The following SNRNP200 variants were observed in gnomAD, a reference collection of about 807,000 sequenced individuals.
The protein encoded by SNRNP200 is small nuclear ribonucleoprotein U5 subunit 200, also known as U5 small nuclear ribonucleoprotein 200 kDa helicase.
A neutral mutation model predicts 255.2 loss-of-function variants in SNRNP200; 66 were observed. The observed-to-expected ratio is 0.26, with a 90% CI of 0.21 to 0.32. The LOEUF (loss-of-function observed/expected upper bound fraction) is 0.32, where lower values mean the gene tolerates loss of function less well. Ranked by LOEUF, SNRNP200 falls within the 10% of genes least tolerant of loss-of-function variation. The pLI is 1.00. For missense variants in SNRNP200, 1,585 were observed against 2,749.8 expected (o/e 0.58, Z 9.47); for synonymous variants, 939 against 1,027.8 (o/e 0.91, Z 1.65).
chr2:96,276,622 A>G (rs2104329443), intron 43 of SNRNP200: 5 of 421,426 alleles, frequency 1.2e-5, no homozygotes, highest in Middle Eastern at 6.9e-4. Context: ...GGGTTTCACT[A>G]TGTTGGCCAG....
In SNRNP200 at chr2:96,277,519, T is replaced by G. The variant is rs1423876305; in HGVS notation, c.5931+20A>C. 6.2e-7 allele frequency: 1 copy of G among 1,612,028 alleles called. No homozygotes were observed. The highest frequency in any genetic ancestry group is 1.3e-5 in the African/African-American group (1 of 74,846). Reference sequence around the variant, plus strand: ...GCTCTCAGGCTCACCCACCTGACCCTCTAGGCTGACCCGGCTCACCTTGTC... The same window carrying G: ...GCTCTCAGGCTCACCCACCTGACCCGCTAGGCTGACCCGGCTCACCTTGTC... On this transcript the variant is annotated intron_variant, in intron 41 of 44. Coordinates refer to ENST00000323853, the MANE Select transcript of SNRNP200 (RefSeq NM_014014.5). This position sits in a 1 kb window ranked among gnomAD's most constrained non-coding sequence, Gnocchi z 4.4.
chr2:96,291,862 C>T lies in SNRNP200; in HGVS notation c.2199G>A (p.Lys733=), dbSNP rs1190862715. ...ACATGTCCCGGATGGCCCTGGCTGT[C>T]TTTCCAGTCTCCTTCCGGGAGTGGA... ...VFVHSRKETG[K]TARAIRDMCL... is the part of the protein sequence containing the mutation. Residue 733 remains lysine, a synonymous_variant, in exon 17 of 45, where the codon AAG becomes AAA. Transcript: ENST00000323853. The surrounding 1 kb of genome is among the most constrained non-coding windows in gnomAD (Gnocchi z 4.2). 6.8e-6 allele frequency: 11 copies of T among 1,614,078 alleles called. No individual in the cohort carries two copies. Among genetic ancestry groups the T allele is most frequent in the Admixed American group, 3.3e-5 (2 of 60,008 alleles).
rs371902310 is a variant in SNRNP200, at chr2:96,293,322, T to C, written c.2030A>G (p.Asp677Gly). The change falls in exon 15 of 45, where the codon GAC becomes GGC. Residue 677 changes from aspartate (D) to glycine (G), a missense_variant. By Grantham distance (94) the Asp-to-Gly change is moderately conservative. Transcript: ENST00000323853. ...GCCCAGTCTTTCCTGATACCTGTTG[T>C]CAAAGTAAAAGAGACCCTTGGCAGG... ...VDPAKGLFYFDNSFRPVPLEQ... is the reference protein window; with the variant it reads ...VDPAKGLFYFGNSFRPVPLEQ... 3 of 1,613,896 alleles carry C rather than the reference T, an allele frequency of 1.9e-6. No individual in the cohort carries two copies. In the African/African-American group the frequency reaches 4.0e-5, roughly 22 times the overall value.
chr2:96,282,955 G>A, intron 34 of SNRNP200: 1 of 584,014 alleles, frequency 1.7e-6, no homozygotes, highest in Non-Finnish European at 3.1e-6. Context: ...TAGAAAACCA[G>A]GTTCTGAAAT....
chr2:96,304,566 C>T, intron 2 of SNRNP200, 139 bp downstream of exon 2: 1 of 1,179,994 alleles, frequency 8.5e-7, no homozygotes, highest in Non-Finnish European at 1.2e-6. Flanking sequence ...TTTAAACTCT[C>T]CTGGTCTGTT....
At chr2:96,299,137 T>C (rs1287046695) in intron 6 of SNRNP200, among the ~76,000 whole-genome samples, 170 bp from the exon 7 acceptor site, 1 of 152,160 alleles carries the variant, frequency 6.6e-6, no homozygotes, top group Non-Finnish European at 1.5e-5. Flanking sequence ...CAGACTAAGA[T>C]TTCATCAACA....
chr2:96,301,460 A>C, intron 4 of SNRNP200, 64 bp downstream of exon 4: 1 of 1,485,106 alleles, frequency 6.7e-7, no homozygotes, highest in Non-Finnish European at 9.4e-7. Context: ...TGATGCTAGA[A>C]GATGCATGTT....
At chr2:96,302,864 G>GTGGC (rs957067682) in intron 3 of SNRNP200, among the ~76,000 whole-genome samples, 9 of 152,196 alleles carry the variant, frequency 5.9e-5, no homozygotes, top group African/African-American at 2.2e-4. Context: ...GGGAATGGGT[G>GTGGC]TGGCGCTACC....
Position 96,278,058 on chromosome 2 carries a change from G to A in SNRNP200, c.5611-108C>T. 6.5e-7 allele frequency: 1 copy of A among 1,545,594 alleles called. No homozygotes were observed. The highest frequency in any genetic ancestry group is 1.1e-5 in the South Asian group (1 of 89,060). On this transcript the variant is annotated intron_variant, in intron 39 of 44. Coordinates refer to ENST00000323853, the MANE Select transcript of SNRNP200 (RefSeq NM_014014.5). This position sits in a 1 kb window ranked among gnomAD's most constrained non-coding sequence, Gnocchi z 6.9. The stretch of plus-strand genomic sequence containing the variant: ...GGCTCACACAGCCCTTCAACACCCT[G>A]AGGCATGTGGGTGGTAATGGGATGG...
At chr2:96,285,745 C>T (rs940778381) in intron 29 of SNRNP200, among the ~76,000 whole-genome samples, 11 of 152,216 alleles carry the variant, frequency 7.2e-5, no homozygotes, top group African/African-American at 2.7e-4. Flanking sequence ...AAAGTAAGAG[C>T]CTTATCCCTG....
In SNRNP200 at chr2:96,286,277, C is replaced by A. The variant is rs368144590; in HGVS notation, c.4003+34G>T. 122 of 1,610,702 alleles carry A rather than the reference C, an allele frequency of 7.6e-5. No homozygotes were observed. Among genetic ancestry groups the A allele is most frequent in the Middle Eastern group, 1.7e-4 (1 of 6,058 alleles). ...GAGCACATCTGTCTCCCGGTGACTTCAAAAGCCTCCAGAGGAGGGATGGAA... is the reference window on the plus strand; with the variant it reads ...GAGCACATCTGTCTCCCGGTGACTTAAAAAGCCTCCAGAGGAGGGATGGAA... On this transcript the variant is annotated intron_variant, in intron 29 of 44. Coordinates refer to ENST00000323853, the MANE Select transcript of SNRNP200 (RefSeq NM_014014.5). The surrounding 1 kb of genome is among the most constrained non-coding windows in gnomAD (Gnocchi z 4.8).
intron 44 of SNRNP200, 36 bp from the exon 45 acceptor site, chr2:96,275,191 A>T (rs1426379692): frequency 1.2e-6 from 2 of 1,614,094 alleles, no homozygotes; most frequent in African/African-American, 2.7e-5. Flanking sequence ...ATGAGCATGG[A>T]CACAGGAAGC....
rs1388734030 is a variant in SNRNP200 at position 96,283,950 on chromosome 2, G to T, written c.4447C>A (p.Arg1483=). The change falls in exon 32 of 45, where the codon CGG becomes AGG. Residue 1483 remains arginine (R), a synonymous_variant. Coordinates refer to ENST00000323853, the MANE Select transcript of SNRNP200 (RefSeq NM_014014.5). The surrounding 1 kb of genome is among the most constrained non-coding windows in gnomAD (Gnocchi z 4.7). Reference sequence around the variant, plus strand: ...CTGAGTGCCACAATGCGAATGGGCCGCTCAATCTGGGAGGAGATGTAGCGC... The same window carrying T: ...CTGAGTGCCACAATGCGAATGGGCCTCTCAATCTGGGAGGAGATGTAGCGC... ...RMRYISSQIE[R]PIRIVALSSS... is the part of the protein sequence containing the mutation. 4 of 1,600,056 alleles carry T rather than the reference G, an allele frequency of 2.5e-6. No individual in the cohort carries two copies. In the African/African-American group the frequency reaches 5.4e-5, roughly 22 times the overall value.
chr2:96,283,815 G>A lies in SNRNP200; in HGVS notation c.4582C>T (p.Gln1528Ter). The stretch of plus-strand genomic sequence containing the variant: ...CGGATGAGGAGAGTGGGTCCTACCT[G>A]GATGTGCAGCTCCAAGGGGACGGGA... ...VRPVPLELHI[Q>*]GFNISHTQTR... The change falls in exon 32 of 45, where the codon CAG becomes TAG. Residue 1528 changes from glutamine to a stop codon, truncating the protein, a stop_gained and splice_region_variant. Coordinates refer to ENST00000323853, the MANE Select transcript of SNRNP200 (RefSeq NM_014014.5). LOFTEE classifies it high-confidence loss of function. This position sits in a 1 kb window ranked among gnomAD's most constrained non-coding sequence, Gnocchi z 4.7. The A allele has an allele frequency of 1.2e-6, 2 of 1,612,558 alleles. No individual in the cohort carries two copies. The highest frequency in any genetic ancestry group is 1.7e-6 in the Non-Finnish European group (2 of 1,179,226).
chr2:96,305,290 T>G, intron 1 of SNRNP200, 103 bp downstream of exon 1: 1 of 1,453,278 alleles, frequency 6.9e-7, no homozygotes, highest in Non-Finnish European at 9.7e-7. Context: ...CCCCTTCGTT[T>G]TCGTGGCTCT....
At chr2:96,284,654 A>G in intron 30 of SNRNP200, 69 bp from the exon 31 acceptor site, 1 of 1,097,072 alleles carries the variant, frequency 9.1e-7, no homozygotes, top group Non-Finnish European at 1.4e-6. Flanking sequence ...ATGTGAGGAA[A>G]ACCTGAGATG....
In SNRNP200 at chr2:96,277,729, G is replaced by A. The variant is rs762055119; in HGVS notation, c.5755-14C>T. On this transcript the variant is annotated splice_polypyrimidine_tract_variant and intron_variant, in intron 40 of 44. Transcript: ENST00000323853. The surrounding 1 kb of genome is among the most constrained non-coding windows in gnomAD (Gnocchi z 4.4). ...GAGCCGGATTGCCTGAACAGGAAAA[G>A]GAGTATAAAAGTGGGCGGAGTTGGA... 2 of 1,614,142 alleles carry A rather than the reference G, an allele frequency of 1.2e-6. No individual in the cohort carries two copies. The highest frequency in any genetic ancestry group is 1.7e-6 in the Non-Finnish European group (2 of 1,180,030).
Position 96,297,015 on chromosome 2 carries a change from A to C in SNRNP200, c.1433T>G (p.Phe478Cys). Residue 478 changes from phenylalanine (F) to cysteine (C), a missense_variant, in exon 12 of 45, where the codon TTC becomes TGC. This residue lies in a region of SNRNP200 where 383 missense variants were observed against 645.3 expected (regional missense o/e 0.59). Coordinates refer to ENST00000323853, the MANE Select transcript of SNRNP200 (RefSeq NM_014014.5). ...ACTCTGGATCCGATTCAGTGTTTTG[A>C]AGCCCTCAAACCCAGCCTGGGCATA... ...PKYAQAGFEG[F>C]KTLNRIQSKL... The C allele has an allele frequency of 6.2e-7, 1 of 1,614,196 alleles. No individual in the cohort carries two copies. Among genetic ancestry groups the C allele is most frequent in the East Asian group, 2.2e-5 (1 of 44,882 alleles).
intron 13 of SNRNP200, 47 bp downstream of exon 13, chr2:96,296,489 T>C: frequency 6.2e-7 from 1 of 1,604,504 alleles, no homozygotes; most frequent in South Asian, 1.1e-5. Context: ...CACAACACTT[T>C]CATAGGTGCA....
Sources: gnomAD v4.1 joint callset for allele counts (sites outside exome capture counted in the v4.1 genomes callset) on GRCh38, gnomAD v4.1.1 for gene constraint, gnomAD v4.1.1 regional missense constraint, Gnocchi (gnomAD v3.1) non-coding constraint, MANE v1.5 for transcripts, NCBI Gene and HGNC (gene_info 2026-07-23, HGNC 2026-07-21) for gene names.